The following PLB1 variants were observed in gnomAD, a reference collection of about 807,000 sequenced individuals.
PLB1 encodes phospholipase B1, also known as phospholipase B1, membrane-associated.
Under a neutral mutation model 227.4 loss-of-function variants are expected in PLB1, and 242 were observed. The observed-to-expected ratio is 1.06, with a 90% confidence interval of 0.96 to 1.18. The LOEUF is 1.18. Among genes scored for constraint, PLB1 ranks in the 50% most tolerant of loss-of-function variants. The pLI, the probability that PLB1 is intolerant of heterozygous loss-of-function variation, is 0.00. For synonymous variants in PLB1, 757 were observed against 682.2 expected, an observed-to-expected ratio of 1.11 and a Z score of -1.71; for missense variants, 1,858 against 1,816.3, an observed-to-expected ratio of 1.02 and a Z score of -0.42.
At chr2:28,626,320 A>G (rs1687765609) in intron 50 of PLB1, 108 bp from the exon 51 acceptor site, 2 of 837,498 alleles carry the variant, frequency 2.4e-6, no homozygotes, top group South Asian at 1.5e-5. Flanking sequence ...TCTCTGTTAC[A>G]GTATAAATAA....
chr2:28,591,129 A>G lies in PLB1; in HGVS notation c.2089-4A>G, dbSNP rs756980830. ...TGCCATTGCTCACCCCCCTCTCCTC[A>G]CAGGTCCAGCCGTTTCTGAGGACCT... On this transcript the variant is annotated splice_region_variant and splice_polypyrimidine_tract_variant and intron_variant, in intron 29 of 57. Transcript: ENST00000327757. The G allele has an allele frequency of 1.2e-6, 2 of 1,614,134 alleles. No homozygotes were observed. Among genetic ancestry groups the G allele is most frequent in the East Asian group, 2.2e-5 (1 of 44,874 alleles).
At chr2:28,550,645 A>C (rs185613813) in intron 16 of PLB1, among the ~76,000 whole-genome samples, 36 of 146,200 alleles carry the variant, frequency 2.5e-4, no homozygotes, top group African/African-American at 7.4e-4. Context: ...GGTTCAAGCG[A>C]TTCTCCTGCC....
Position 28,591,749 on chromosome 2 carries a change from A to AC in PLB1, c.2180dup (p.Thr728TyrfsTer62). The AC allele has an allele frequency of 6.2e-7, 1 of 1,613,764 alleles. No individual in the cohort carries two copies. The highest frequency in any genetic ancestry group is 8.5e-7 in the Non-Finnish European group (1 of 1,179,892). On this transcript the variant is annotated frameshift_variant, in exon 31 of 58. Coordinates refer to ENST00000327757, the MANE Select transcript of PLB1 (RefSeq NM_153021.5). LOFTEE classifies it high-confidence loss of function. Reference sequence around the variant, plus strand: ...AGGGACAGAGCCCCTTCTGCCTTGCACCCTACCTCAGGTAAGCCCCCTATG... The same window carrying AC: ...AGGGACAGAGCCCCTTCTGCCTTGCACCCCTACCTCAGGTAAGCCCCCTATG...
At chr2:28,611,677 C>T (rs1685480510) in intron 43 of PLB1, among the ~76,000 whole-genome samples, 1 of 152,204 alleles carries the variant, frequency 6.6e-6, no homozygotes, top group Non-Finnish European at 1.5e-5. Flanking sequence ...TTATAGCATG[C>T]TCCCAGATCG....
chr2:28,592,793 G>T, intron 32 of PLB1, 74 bp downstream of exon 32: 1 of 1,410,924 alleles, frequency 7.1e-7, no homozygotes, highest in Non-Finnish European at 9.9e-7. Flanking sequence ...TTAACTTAAG[G>T]GTCTGCATGC....
rs892645178 is a variant in PLB1 at position 28,516,885 on chromosome 2, G to T, written c.117+16G>T. 6.2e-7 allele frequency: 1 copy of T among 1,611,458 alleles called. No individual in the cohort carries two copies. The highest frequency in any genetic ancestry group is 1.7e-4 in the Middle Eastern group (1 of 6,050). On this transcript the variant is annotated intron_variant, in intron 2 of 57. Transcript: ENST00000327757. ...ATGGCCAGAGGTAAGGGCTTTGGCTGGTGGGAGGTGCGTGTGTATGGAGGG... is the reference window on the plus strand; with the variant it reads ...ATGGCCAGAGGTAAGGGCTTTGGCTTGTGGGAGGTGCGTGTGTATGGAGGG...
intron 33 of PLB1, 134 bp downstream of exon 33, chr2:28,593,888 T>C (rs906654982): frequency 3.5e-5 from 28 of 789,842 alleles, no homozygotes; most frequent in Non-Finnish European, 5.9e-5. Flanking sequence ...GAAAAAGCTA[T>C]ATATTTCTGC....
chr2:28,545,395 C>T (rs894993882), intron 14 of PLB1, among the ~76,000 whole-genome samples: 39 of 152,126 alleles, frequency 2.6e-4, no homozygotes, highest in Non-Finnish European at 4.7e-4. Flanking sequence ...CCACAGTTCC[C>T]GGATCGAGCA....
chr2:28,535,714 A>G (rs1671592609), intron 9 of PLB1, among the ~76,000 whole-genome samples: 2 of 152,164 alleles, frequency 1.3e-5, no homozygotes, highest in African/African-American at 4.8e-5. Flanking sequence ...TGAGGTTAGG[A>G]GTTCAAGACC....
At chr2:28,578,179 G>A (rs769821605) in intron 22 of PLB1, 21 bp downstream of exon 22, 41 of 1,612,360 alleles carry the variant, frequency 2.5e-5, no homozygotes, top group Non-Finnish European at 3.3e-5. Context: ...GGGATGGGAA[G>A]TAGGCAGGAA....
chr2:28,531,510 C>T (rs1671007877), intron 8 of PLB1, among the ~76,000 whole-genome samples: 1 of 152,110 alleles, frequency 6.6e-6, no homozygotes, highest in Non-Finnish European at 1.5e-5. Flanking sequence ...GGGGTTTCTC[C>T]ATGTTGGTCA....
chr2:28,506,572 C>A (rs1572640063), intron 1 of PLB1, among the ~76,000 whole-genome samples: 2 of 152,166 alleles, frequency 1.3e-5, no homozygotes, highest in Non-Finnish European at 1.5e-5. Context: ...GAATCCAAAT[C>A]TTTTATTTTA....
intron 46 of PLB1, among the ~76,000 whole-genome samples, chr2:28,619,466 G>A (rs986893315): frequency 4.0e-5 from 6 of 149,770 alleles, no homozygotes; most frequent in African/African-American, 1.5e-4. Flanking sequence ...TAGATTATTC[G>A]TTTGTTTAAA....
At position 28,549,412 on chromosome 2, in the gene PLB1, C is replaced by CTTTTTTTTTTTTTTTTTTTT. The variant is rs746205635; in HGVS notation, c.1008+484_1008+503dup. Among the ~76,000 whole-genome samples, 4 of 87,274 alleles carry CTTTTTTTTTTTTTTTTTTTT rather than the reference C, an allele frequency of 4.6e-5. 1 individual carries two copies. Among genetic ancestry groups the CTTTTTTTTTTTTTTTTTTTT allele is most frequent in the African/African-American group, 1.4e-4 (3 of 21,858 alleles). 57.3% of individuals were successfully genotyped at this position (87,274 alleles called of 152,430 possible). A position where few individuals can be genotyped will look rare whatever the true frequency, so the allele number is the denominator to read the frequency against. Reference sequence around the variant, plus strand: ...TGGACATAAATGAATGAGATTCTTTCTTTTTTTTTTTTTTTTTTTTTTGAG... The same window carrying CTTTTTTTTTTTTTTTTTTTT: ...TGGACATAAATGAATGAGATTCTTTCTTTTTTTTTTTTTTTTTTTTTTTTTTTTTTTTTTTTTTTTTTGAG... On this transcript the variant is annotated intron_variant, in intron 15 of 57. Coordinates refer to ENST00000327757, the MANE Select transcript of PLB1 (RefSeq NM_153021.5).
intron 56 of PLB1, among the ~76,000 whole-genome samples, chr2:28,635,881 G>A (rs1381234978): frequency 2.6e-5 from 4 of 152,188 alleles, no homozygotes; most frequent in Non-Finnish European, 1.5e-5. Flanking sequence ...CAGGTGCTGG[G>A]TGACAGCTCC....
At chr2:28,501,361 C>A (rs1572613060) in intron 1 of PLB1, among the ~76,000 whole-genome samples, 1 of 152,252 alleles carries the variant, frequency 6.6e-6, no homozygotes. Context: ...ATACTTCCGT[C>A]CTTTAGAATA....
In PLB1 at chr2:28,608,976, C is replaced by T. The variant is rs572070157; in HGVS notation, c.3129+2409C>T. On this transcript the variant is annotated intron_variant, in intron 43 of 57. Coordinates refer to ENST00000327757, the MANE Select transcript of PLB1 (RefSeq NM_153021.5). ...GTCTCCCAGGCTGGAAGTGCAGTGG[C>T]GCAATCACAGCTCTCTGCAGCTTTC... is the stretch of plus-strand genomic sequence containing the variant. 7.9e-5 allele frequency among the ~76,000 whole-genome samples: 12 copies of T among 152,254 alleles called. No homozygotes were observed. In the East Asian group the frequency reaches 1.5e-3, roughly 20 times the overall value.
At chr2:28,549,863 G>A (rs1347825922) in intron 15 of PLB1, 147 bp from the exon 16 acceptor site, 4 of 594,378 alleles carry the variant, frequency 6.7e-6, no homozygotes, top group Non-Finnish European at 1.2e-5. Context: ...GGACCAGAGA[G>A]AAGAGCCAGA....
At chr2:28,523,335 G>GTTTTTTTTTTTT (rs199936505) in intron 4 of PLB1, among the ~76,000 whole-genome samples, 1 of 116,892 alleles carries the variant, frequency 8.6e-6, no homozygotes, top group Non-Finnish European at 1.8e-5. Context: ...TATCTGCGAG[G>GTTTTTTTTTTTT]TTTTTTTTTT....
Sources: allele counts gnomAD v4.1 joint callset (sites outside exome capture counted in the v4.1 genomes callset), GRCh38; gene constraint gnomAD v4.1.1; transcripts MANE v1.5; gene names NCBI Gene and HGNC (gene_info 2026-07-23, HGNC 2026-07-21).